The following BTBD10 variants were observed in gnomAD, a reference collection of about 807,000 sequenced individuals.
BTBD10 encodes the protein BTB domain containing 10.
BTBD10 carries 21 observed loss-of-function variants against 53.2 expected under a neutral mutation model. The ratio of observed to expected loss-of-function variants is 0.39; its 90% CI spans 0.28 to 0.57. The LOEUF (loss-of-function observed/expected upper bound fraction) is 0.57, where lower values mean the gene tolerates loss of function less well. BTBD10 is among the 20% of genes least tolerant of loss of function. The pLI is 0.53. For synonymous variants in BTBD10, 149 were observed against 192.7 expected (o/e 0.77, Z 1.88); for missense variants, 360 against 594.7 (o/e 0.61, Z 4.10).
chr11:13,394,566 T>C (rs564428758), intron 8 of BTBD10, among the ~76,000 whole-genome samples: 12 of 152,314 alleles, frequency 7.9e-5, no homozygotes, highest in African/African-American at 2.9e-4. Flanking sequence ...ATTATTATAC[T>C]TTAAGTTTTA....
intron 2 of BTBD10, among the ~76,000 whole-genome samples, 173 bp downstream of exon 2, chr11:13,444,851 T>C (rs761560040): frequency 6.6e-6 from 1 of 151,990 alleles, no homozygotes; most frequent in Non-Finnish European, 1.5e-5. Flanking sequence ...TATTAAAAAA[T>C]TAAAAAGAAA....
At chr11:13,446,613 G>A (rs188606883) in intron 1 of BTBD10, among the ~76,000 whole-genome samples, 1 of 152,186 alleles carries the variant, frequency 6.6e-6, no homozygotes, top group Admixed American at 6.5e-5. Flanking sequence ...TTGAATCTAT[G>A]ACTGATGCAA....
intron 8 of BTBD10, among the ~76,000 whole-genome samples, chr11:13,399,193 G>A (rs7936376): frequency 0.46 from 70,124 of 151,938 alleles, 17,160 homozygotes; most frequent in South Asian, 0.62. Context: ...CCAATGAGAC[G>A]TAGATTTGGT....
chr11:13,442,110 C>T (rs1349750071), intron 2 of BTBD10, among the ~76,000 whole-genome samples: 1 of 152,090 alleles, frequency 6.6e-6, no homozygotes, highest in Non-Finnish European at 1.5e-5. Context: ...ACTAAACATG[C>T]ACCCGCCATT....
chr11:13,454,090 G>A lies in BTBD10; in HGVS notation c.-57-8909C>T, dbSNP rs142520565. Reference sequence around the variant, plus strand: ...AAAAAAGAAGAAGAAAGAAACTGAAGGACATTTCACTTAATATAATTTACT... The same window carrying A: ...AAAAAAGAAGAAGAAAGAAACTGAAAGACATTTCACTTAATATAATTTACT... On this transcript the variant is annotated intron_variant, in intron 1 of 8. Transcript: ENST00000278174. Among the ~76,000 whole-genome samples, 668 of 152,012 alleles carry A rather than the reference G, an allele frequency of 4.4e-3. 9 individuals are homozygous for A. The highest frequency in any genetic ancestry group is 0.015 in the African/African-American group (627 of 41,452).
chr11:13,393,901 A>G (rs1949468555), intron 8 of BTBD10, among the ~76,000 whole-genome samples: 1 of 152,246 alleles, frequency 6.6e-6, no homozygotes, highest in Non-Finnish European at 1.5e-5. Context: ...TAACCTTTTA[A>G]GCTTTAGCTT....
Position 13,445,672 on chromosome 11 carries a change from T to A in BTBD10, c.-57-491A>T, listed in dbSNP as rs186726707. ...CGAAGTTAAAAACTCTGAATAGAAATTTAATTTTTACTCAAAAATAAATGT... is the reference window on the plus strand; with the variant it reads ...CGAAGTTAAAAACTCTGAATAGAAAATTAATTTTTACTCAAAAATAAATGT... On this transcript the variant is annotated intron_variant, in intron 1 of 8. Coordinates refer to ENST00000278174, the MANE Select transcript of BTBD10 (RefSeq NM_032320.7). 1.1e-3 allele frequency among the ~76,000 whole-genome samples: 171 copies of A among 152,328 alleles called. 1 individual carries two copies. Among genetic ancestry groups the A allele is most frequent in the African/African-American group, 3.9e-3 (163 of 41,584 alleles).
intron 6 of BTBD10, among the ~76,000 whole-genome samples, chr11:13,411,134 A>G (rs1466171993): frequency 6.6e-6 from 1 of 152,232 alleles, no homozygotes; most frequent in African/African-American, 2.4e-5. Context: ...ACAATAATTT[A>G]TTAGTTCAGC....
intron 1 of BTBD10, among the ~76,000 whole-genome samples, chr11:13,450,735 A>C (rs1448762221): frequency 6.6e-6 from 1 of 152,218 alleles, no homozygotes; most frequent in Admixed American, 6.5e-5. Flanking sequence ...GCAACTTTTA[A>C]AAGAAAAGGA....
At chr11:13,459,025 A>AATTTATTTATTTATTTATTT (rs1320185910) in intron 1 of BTBD10, among the ~76,000 whole-genome samples, 1 of 147,084 alleles carries the variant, frequency 6.8e-6, no homozygotes, top group Admixed American at 6.7e-5. Flanking sequence ...TGAGCATTAA[A>AATTTATTTATTTATTTATTT]ATTTATTTAT....
chr11:13,418,520 T>TCCTCC (rs1238835220), intron 4 of BTBD10, among the ~76,000 whole-genome samples: 1 of 152,002 alleles, frequency 6.6e-6, no homozygotes, highest in Non-Finnish European at 1.5e-5. Context: ...CTGTCGATAA[T>TCCTCC]CCTCCCCTAT....
chr11:13,403,347 T>C (rs1325119285), intron 7 of BTBD10, 69 bp from the exon 8 acceptor site: 1 of 910,942 alleles, frequency 1.1e-6, no homozygotes, highest in Non-Finnish European at 1.6e-6. Context: ...AAATTTATCT[T>C]GCTCATCAAA....
chr11:13,408,737 A>G (rs761864457), intron 6 of BTBD10, among the ~76,000 whole-genome samples: 4 of 152,186 alleles, frequency 2.6e-5, no homozygotes, highest in Non-Finnish European at 5.9e-5. Flanking sequence ...TAATCTGAAC[A>G]TCCCATATAC....
chr11:13,406,771 T>C (rs1158347814), intron 6 of BTBD10, among the ~76,000 whole-genome samples: 1 of 151,494 alleles, frequency 6.6e-6, no homozygotes, highest in Non-Finnish European at 1.5e-5. Context: ...ATATATTATA[T>C]AATAAACACT....
chr11:13,431,828 A>G (rs762108858), intron 2 of BTBD10, among the ~76,000 whole-genome samples: 6 of 152,128 alleles, frequency 3.9e-5, no homozygotes, highest in Admixed American at 6.5e-5. Flanking sequence ...GCAGGTTCCT[A>G]AGAACTGAAG....
chr11:13,400,478 T>G (rs538901748), intron 8 of BTBD10, among the ~76,000 whole-genome samples: 17 of 152,360 alleles, frequency 1.1e-4, no homozygotes, highest in Non-Finnish European at 2.1e-4. Context: ...GGGAATTCCC[T>G]GACCCCTTGT....
Position 13,421,774 on chromosome 11 carries a change from C to A in BTBD10, c.166G>T (p.Gly56Trp). 1 of 1,614,094 alleles carries A rather than the reference C, an allele frequency of 6.2e-7. No individual in the cohort carries two copies. The highest frequency in any genetic ancestry group is 1.1e-5 in the South Asian group (1 of 91,082). Residue 56 changes from glycine to tryptophan, a missense_variant, in exon 3 of 9, where the codon GGG becomes TGG. By Grantham distance (184) the Gly-to-Trp change is radical. Around this residue, in one of 6 missense-constraint regions of BTBD10, gnomAD observed 81 missense variants for 82.6 expected, o/e 0.98. Coordinates refer to ENST00000278174, the MANE Select transcript of BTBD10 (RefSeq NM_032320.7). Reference sequence around the variant, plus strand: ...CTATCTCTTGATCTCTCATGTCCCCCACTAGCACCATGTAGACTCATTTTG... The same window carrying A: ...CTATCTCTTGATCTCTCATGTCCCCAACTAGCACCATGTAGACTCATTTTG... ...HTKMSLHGAS[G>W]GHERSRDRRR...
intron 2 of BTBD10, among the ~76,000 whole-genome samples, chr11:13,436,161 G>A (rs1281122421): frequency 6.6e-6 from 1 of 152,134 alleles, no homozygotes; most frequent in Non-Finnish European, 1.5e-5. Context: ...GACAGGGAAG[G>A]GGAACTTTTC....
intron 8 of BTBD10, among the ~76,000 whole-genome samples, chr11:13,396,487 C>G (rs1251860230): frequency 6.6e-6 from 1 of 152,172 alleles, no homozygotes; most frequent in Non-Finnish European, 1.5e-5. Context: ...CATCTGCAAA[C>G]AGGGACAATT....
Sources: allele counts gnomAD v4.1 joint callset (sites outside exome capture counted in the v4.1 genomes callset), GRCh38; gene constraint gnomAD v4.1.1; regional missense constraint gnomAD v4.1.1; transcripts MANE v1.5; gene names NCBI Gene and HGNC (gene_info 2026-07-23, HGNC 2026-07-21).